Variants in TMPO observed in about 807,000 individuals in gnomAD.
TMPO encodes the protein LEM domain containing 4.
In TMPO, 22 loss-of-function variants were observed where a neutral mutation model predicts 45.4. The observed-to-expected ratio is 0.48, with a 90% CI of 0.35 to 0.69. TMPO has a LOEUF of 0.69. Ranked by LOEUF, TMPO falls within the 30% of genes least tolerant of loss-of-function variation. The pLI is 0.01. For missense variants in TMPO, 512 were observed against 548.8 expected (o/e 0.93, Z 0.67); for synonymous variants, 241 against 204.1 (o/e 1.18, Z -1.54).
rs1483439740 is a variant in TMPO at position 98,548,992 on chromosome 12, G to T, written c.*1134G>T. 1.3e-5 allele frequency: 2 copies of T among 152,234 alleles called. No individual in the cohort carries two copies. The highest frequency in any genetic ancestry group is 4.1e-4 in the South Asian group (2 of 4,826). 9.4% of individuals were successfully genotyped at this position (152,234 alleles called of 1,614,324 possible). A position where few individuals can be genotyped will look rare whatever the true frequency, so the allele number is the denominator to read the frequency against. ...AAAAATTAGCTGGGCGTGATGATGT[G>T]CGCCTGTAGTCCTGTCTACTAGGGA... On this transcript the variant is annotated 3_prime_UTR_variant, in exon 9 of 9. Transcript: ENST00000556029.
Position 98,515,816 on chromosome 12 carries a change from C to T in TMPO, c.-52C>T, listed in dbSNP as rs370309699. On this transcript the variant is annotated 5_prime_UTR_variant, in exon 1 of 9. Coordinates refer to ENST00000556029, the MANE Select transcript of TMPO (RefSeq NM_001032283.3). The stretch of plus-strand genomic sequence containing the variant: ...CCCCGGCCAGGAGCAAGCGCGCCGG[C>T]GTGAGCGGCGGCGGCAAAGGCTGTG... 1.9e-3 allele frequency: 2,950 copies of T among 1,575,500 alleles called. 3 individuals are homozygous for T. Among genetic ancestry groups the T allele is most frequent in the Non-Finnish European group, 2.3e-3 (2,652 of 1,162,236 alleles).
intron 3 of TMPO, chr12:98,534,184 ATGGGAAATGCCACTG>A: frequency 6.2e-7 from 1 of 1,613,970 alleles, no homozygotes; most frequent in Non-Finnish European, 8.5e-7. Context: ...TGCCCATACC[ATGGGAAATGCCACTG>A]TAGGTCGTCG....
At position 98,533,251 on chromosome 12, in the gene TMPO, A is replaced by G. The variant is rs57670957; in HGVS notation, c.565+1413A>G. On this transcript the variant is annotated intron_variant, in intron 3 of 8. Transcript: ENST00000556029. ...AGACATAGTAGAAAATATTTGCGGT[A>G]GAGAGAAAAGTGGAATTCAACCATT... 103 of 1,613,962 alleles carry G rather than the reference A, an allele frequency of 6.4e-5. No homozygotes were observed. In the East Asian group the frequency reaches 2.1e-3, roughly 33 times the overall value.
At chr12:98,543,782 AAAT>A in intron 4 of TMPO, among the ~76,000 whole-genome samples, 1 of 152,344 alleles carries the variant, frequency 6.6e-6, no homozygotes, top group East Asian at 1.9e-4. Context: ...AACCATATGA[AAAT>A]AATAATGTTT....
chr12:98,529,801 C>T (rs1877057633), intron 2 of TMPO, among the ~76,000 whole-genome samples: 1 of 152,096 alleles, frequency 6.6e-6, no homozygotes, highest in Admixed American at 6.5e-5. Context: ...TCAAGCAGTC[C>T]TCCCACTTAG....
chr12:98,522,179 G>GTA (rs1876422951), intron 1 of TMPO, among the ~76,000 whole-genome samples: 1 of 152,100 alleles, frequency 6.6e-6, no homozygotes, highest in Non-Finnish European at 1.5e-5. Context: ...ACCATGCCTA[G>GTA]CTGATTTTTA....
intron 1 of TMPO, among the ~76,000 whole-genome samples, chr12:98,522,891 G>A (rs1284134926): frequency 3.9e-5 from 6 of 152,126 alleles, no homozygotes; most frequent in Admixed American, 3.9e-4. Context: ...AACTCAGTAC[G>A]TAATACATAA....
At chr12:98,527,847 T>G in intron 1 of TMPO, 39 bp from the exon 2 acceptor site, 1 of 1,611,224 alleles carries the variant, frequency 6.2e-7, no homozygotes, top group Non-Finnish European at 8.5e-7. Flanking sequence ...AGTGAACACT[T>G]TAATTCATAT....
intron 7 of TMPO, 70 bp downstream of exon 7, chr12:98,545,131 T>C: frequency 1.3e-6 from 1 of 785,120 alleles, no homozygotes; most frequent in Non-Finnish European, 1.8e-6. Context: ...ATTTGTTTGT[T>C]TTTTTTTTTT....
Position 98,515,823 on chromosome 12 carries a change from G to A in TMPO, c.-45G>A. 6.3e-7 allele frequency: 1 copy of A among 1,582,732 alleles called. No individual in the cohort carries two copies. The highest frequency in any genetic ancestry group is 8.6e-7 in the Non-Finnish European group (1 of 1,166,018). On this transcript the variant is annotated 5_prime_UTR_variant, in exon 1 of 9. Transcript: ENST00000556029. ...CAGGAGCAAGCGCGCCGGCGTGAGC[G>A]GCGGCGGCAAAGGCTGTGGGGAGGG...
intron 4 of TMPO, among the ~76,000 whole-genome samples, chr12:98,543,080 G>A (rs1395238178): frequency 6.6e-6 from 1 of 152,214 alleles, no homozygotes; most frequent in East Asian, 1.9e-4. Flanking sequence ...TCTGTAACTT[G>A]TGGGGTTTTG....
chr12:98,531,267 A>C (rs1259443746), intron 2 of TMPO, among the ~76,000 whole-genome samples: 1 of 127,568 alleles, frequency 7.8e-6, no homozygotes, highest in Non-Finnish European at 1.6e-5. Flanking sequence ...TTAAGACAGC[A>C]TCTTACTTCC....
At position 98,516,084 on chromosome 12, in the gene TMPO, C is replaced by T. The variant is rs1189809488; in HGVS notation, c.217C>T (p.Pro73Ser). 1.3e-6 allele frequency: 2 copies of T among 1,597,584 alleles called. No individual in the cohort carries two copies. The highest frequency in any genetic ancestry group is 2.3e-5 in the East Asian group (1 of 44,282). Residue 73 changes from proline (P) to serine (S), a missense_variant, in exon 1 of 9, where the codon CCC becomes TCC. Coordinates refer to ENST00000556029, the MANE Select transcript of TMPO (RefSeq NM_001032283.3). ...CTTCTCCAGTGACGAAGAGCGCGAGCCCACCCCGGTCCTCGGCTCTGGGGC... is the reference window on the plus strand; with the variant it reads ...CTTCTCCAGTGACGAAGAGCGCGAGTCCACCCCGGTCCTCGGCTCTGGGGC... ...PDFSSDEERE[P>S]TPVLGSGAAA...
intron 7 of TMPO, among the ~76,000 whole-genome samples, chr12:98,545,563 C>T (rs959493457): frequency 1.3e-5 from 2 of 152,148 alleles, no homozygotes; most frequent in East Asian, 3.9e-4. Flanking sequence ...TTATTTTGTT[C>T]TGGACATAAA....
chr12:98,535,327 G>A lies in TMPO; in HGVS notation c.566-2148G>A, dbSNP rs141356917. The A allele has an allele frequency of 3.7e-3, 3,597 of 983,488 alleles. 7 individuals carry two copies. The highest frequency in any genetic ancestry group is 4.1e-3 in the Non-Finnish European group (3,430 of 828,216). 60.9% of individuals were successfully genotyped at this position (983,488 alleles called of 1,614,324 possible). A position where few individuals can be genotyped will look rare whatever the true frequency, so the allele number is the denominator to read the frequency against. ...ACTATATCCCAGTATCTGTATGTCT[G>A]TATAAAGCAGTGTATTATCATGTTT... is the stretch of plus-strand genomic sequence containing the variant. On this transcript the variant is annotated intron_variant, in intron 3 of 8. Coordinates refer to ENST00000556029, the MANE Select transcript of TMPO (RefSeq NM_001032283.3).
intron 1 of TMPO, among the ~76,000 whole-genome samples, chr12:98,524,377 G>A (rs1267363763): frequency 6.6e-6 from 1 of 152,122 alleles, no homozygotes; most frequent in Admixed American, 6.5e-5. Flanking sequence ...TTTGAGACTA[G>A]CCTGGCCAAA....
Position 98,527,892 on chromosome 12 carries a change from A to G in TMPO, c.286A>G (p.Thr96Ala). 1.2e-6 allele frequency: 2 copies of G among 1,613,806 alleles called. No homozygotes were observed. Among genetic ancestry groups the G allele is most frequent in the Non-Finnish European group, 1.7e-6 (2 of 1,179,868 alleles). The stretch of plus-strand genomic sequence containing the variant: ...TACTGGACTTTGTTTACAGAAAGCC[A>G]CAAAAAAAACTGATAAACCCAGACA... ...RSRAAVGRKATKKTDKPRQED... is the reference protein window; with the variant it reads ...RSRAAVGRKAAKKTDKPRQED... Residue 96 changes from threonine to alanine, a missense_variant, in exon 2 of 9, where the codon ACA becomes GCA. This residue lies in a region of TMPO where 299 missense variants were observed against 296.7 expected (regional missense o/e 1.01). Transcript: ENST00000556029.
At position 98,545,056 on chromosome 12, in the gene TMPO, G is replaced by A. The variant is rs1392828514; in HGVS notation, c.985G>A (p.Ala329Thr). The A allele has an allele frequency of 6.2e-7, 1 of 1,602,856 alleles. No homozygotes were observed. Among genetic ancestry groups the A allele is most frequent in the Non-Finnish European group, 8.5e-7 (1 of 1,170,954 alleles). Residue 329 changes from alanine (A) to threonine (T), a missense_variant, in exon 7 of 9, where the codon GCT (alanine) becomes ACT (threonine). Ala to Thr is a moderately conservative substitution (Grantham distance 58). Transcript: ENST00000556029. ...RRAPKKPLTR[A>T]EVGEKTEERR... ...AGCACCAAAGAAACCATTGACAAGA[G>A]CTGAAGTAAATGAATACAATTTAGA... is the stretch of plus-strand genomic sequence containing the variant.
At chr12:98,518,656 G>C (rs1036527011) in intron 1 of TMPO, among the ~76,000 whole-genome samples, 2 of 151,870 alleles carry the variant, frequency 1.3e-5, no homozygotes, top group African/African-American at 4.8e-5. Context: ...GTAAAAGAGA[G>C]TTTATGTCCC....
Sources: allele counts gnomAD v4.1 joint callset (sites outside exome capture counted in the v4.1 genomes callset), GRCh38; gene constraint gnomAD v4.1.1; regional missense constraint gnomAD v4.1.1; transcripts MANE v1.5; gene names NCBI Gene and HGNC (gene_info 2026-07-23, HGNC 2026-07-21).